The following SLC25A51 variants were observed in gnomAD, a reference collection of about 807,000 sequenced individuals.
SLC25A51 encodes solute carrier family 25 member 51.
In SLC25A51, 11 loss-of-function variants were observed where a neutral mutation model predicts 19.1. The ratio of observed to expected loss-of-function variants is 0.58; its 90% CI spans 0.36 to 0.96. The LOEUF (loss-of-function observed/expected upper bound fraction) is 0.96, where lower values mean the gene tolerates loss of function less well. SLC25A51 is among the 40% of genes least tolerant of loss of function. The pLI is 0.01. For synonymous variants in SLC25A51, 105 were observed against 133.6 expected, an observed-to-expected ratio of 0.79 and a Z score of 1.47; for missense variants, 201 against 365.4, an observed-to-expected ratio of 0.55 and a Z score of 3.67.
At chr9:37,883,091 C>T (rs867163336), downstream of SLC25A51, among the ~76,000 whole-genome samples, 32 of 152,212 alleles carry the variant, frequency 2.1e-4, no homozygotes, top group African/African-American at 7.2e-4. Context: ...GTGATCCACC[C>T]GCCTTGGCCT....
chr9:37,886,060 A>G, downstream of SLC25A51: 1 of 1,609,644 alleles, frequency 6.2e-7, no homozygotes, highest in Admixed American at 1.7e-5. Context: ...ACAACTGTAC[A>G]GGGCTAAATT....
At chr9:37,893,231 T>A (rs55746640) in intron 2 of SLC25A51, among the ~76,000 whole-genome samples, 5 of 152,366 alleles carry the variant, frequency 3.3e-5, no homozygotes, top group Non-Finnish European at 5.9e-5. Context: ...TTTACTTAAG[T>A]ATGTTACACT....
At position 37,894,035 on chromosome 9, in the gene SLC25A51, A is replaced by C. The variant is rs117538160; in HGVS notation, c.-42-5443T>G. On this transcript the variant is annotated intron_variant, in intron 2 of 2. Transcript: ENST00000242275. ...CTAAGTTTAAAAAGTGAGGTATGTA[A>C]CAATGCATTTTGGAATCTAATATTA... is the stretch of plus-strand genomic sequence containing the variant. Among the ~76,000 whole-genome samples, 63 of 152,328 alleles carry C rather than the reference A, an allele frequency of 4.1e-4. No individual in the cohort carries two copies. The East Asian group carries it at 0.012, about 28-fold the overall frequency.
rs1831848752 is a variant in SLC25A51, at chr9:37,901,541, G to C, written c.-164-1591C>G. ...TCATAACTTGACTGTTTAAGGCTGT[G>C]TACTTTTCTTTGAGCAAAACTCTTA... On this transcript the variant is annotated intron_variant, in intron 1 of 2. Coordinates refer to ENST00000242275, the MANE Select transcript of SLC25A51 (RefSeq NM_033412.4). 2.6e-5 allele frequency among the ~76,000 whole-genome samples: 4 copies of C among 152,172 alleles called. No individual in the cohort carries two copies. In the South Asian group the frequency reaches 8.3e-4, roughly 32 times the overall value.
chr9:37,885,429 T>C (rs116496697), downstream of SLC25A51, among the ~76,000 whole-genome samples: 119 of 152,002 alleles, frequency 7.8e-4, no homozygotes, highest in African/African-American at 2.7e-3. Context: ...GAAAAAAGCT[T>C]TGCCCATAAC....
downstream of SLC25A51, among the ~76,000 whole-genome samples, chr9:37,885,164 C>T (rs1331162272): frequency 6.6e-6 from 1 of 151,866 alleles, no homozygotes; most frequent in Non-Finnish European, 1.5e-5. Context: ...GCCTGAGGAG[C>T]CCCTGGCCCC....
downstream of SLC25A51, chr9:37,886,110 C>A: frequency 1.4e-6 from 2 of 1,472,220 alleles, no homozygotes; most frequent in East Asian, 2.3e-5. Flanking sequence ...GATGTTAGTA[C>A]GCGGTACAAA....
At chr9:37,883,720 CAA>C (rs1398278522), downstream of SLC25A51, among the ~76,000 whole-genome samples, 2 of 152,266 alleles carry the variant, frequency 1.3e-5, no homozygotes, top group Non-Finnish European at 2.9e-5. Context: ...ATTCATTTCT[CAA>C]ACTCAATTCC....
chr9:37,898,458 G>A (rs887166586), intron 2 of SLC25A51, among the ~76,000 whole-genome samples: 2 of 152,164 alleles, frequency 1.3e-5, no homozygotes, highest in African/African-American at 4.8e-5. Context: ...GGGAGGCTGA[G>A]GCAGGAGAAT....
chr9:37,882,929 C>T (rs1181789060), downstream of SLC25A51, among the ~76,000 whole-genome samples: 1 of 152,150 alleles, frequency 6.6e-6, no homozygotes, highest in South Asian at 2.1e-4. Flanking sequence ...CTGCAACCTC[C>T]GCCTCCCAGG....
intron 2 of SLC25A51, among the ~76,000 whole-genome samples, chr9:37,893,704 TGA>T (rs769747847): frequency 1.9e-3 from 293 of 152,346 alleles, no homozygotes; most frequent in African/African-American, 6.7e-3. Flanking sequence ...TATGCTCCAC[TGA>T]GAGATGCCAG....
intron 3 of SLC25A51, chr9:37,881,432 G>C (rs1831347784): frequency 6.6e-6 from 1 of 152,262 alleles, no homozygotes; most frequent in South Asian, 2.1e-4. Context: ...AAGGTGGGCA[G>C]ATTGCTCGAG....
chr9:37,882,811 T>C (rs1324649892), downstream of SLC25A51, among the ~76,000 whole-genome samples: 1 of 152,214 alleles, frequency 6.6e-6, no homozygotes, highest in Non-Finnish European at 1.5e-5. Flanking sequence ...AAGGCCACTT[T>C]TAAAGCTTTT....
intron 1 of SLC25A51, among the ~76,000 whole-genome samples, chr9:37,901,605 C>T (rs1184486261): frequency 2.0e-5 from 3 of 152,126 alleles, no homozygotes; most frequent in Admixed American, 6.6e-5. Flanking sequence ...CTTAACTATG[C>T]TTGCTAGTAA....
chr9:37,885,547 G>A (rs1302723928), downstream of SLC25A51: 17 of 606,964 alleles, frequency 2.8e-5, no homozygotes, highest in African/African-American at 7.4e-5. Context: ...CCGCCACCAC[G>A]CCTGGCTAAT....
downstream of SLC25A51, chr9:37,885,703 T>C (rs767472693): frequency 1.4e-6 from 2 of 1,389,128 alleles, no homozygotes; most frequent in Non-Finnish European, 2.0e-6. Context: ...GAGATCCTGA[T>C]GTTTCTCAGT....
downstream of SLC25A51, chr9:37,886,155 C>T: frequency 6.9e-7 from 1 of 1,444,486 alleles, no homozygotes; most frequent in Non-Finnish European, 9.8e-7. Flanking sequence ...CAACTCCCTA[C>T]CCTGATCCTG....
At chr9:37,879,768 A>G in exon 4 of SLC25A51, 1 of 152,504 alleles carries the variant, frequency 6.6e-6, no homozygotes. Flanking sequence ...GAAGGACAGC[A>G]GTCTATAAAT....
chr9:37,883,441 G>C (rs945030603), downstream of SLC25A51, among the ~76,000 whole-genome samples: 1 of 152,186 alleles, frequency 6.6e-6, no homozygotes, highest in Admixed American at 6.5e-5. Context: ...ACTTATTTGA[G>C]ACAGCAGAAA....
Sources: allele counts gnomAD v4.1 joint callset (sites outside exome capture counted in the v4.1 genomes callset), GRCh38; gene constraint gnomAD v4.1.1; transcripts MANE v1.5; gene names NCBI Gene and HGNC (gene_info 2026-07-23, HGNC 2026-07-21).